The following UGT2A1 variants were observed in gnomAD, a reference collection of about 807,000 sequenced individuals.
UGT2A1 encodes UDP glucuronosyltransferase family 2 member A1 complex locus.
UGT2A1 carries 61 observed loss-of-function variants against 45.4 expected under a neutral mutation model. The ratio of observed to expected loss-of-function variants is 1.34; its 90% CI spans 1.09 to 1.66. UGT2A1 has a LOEUF of 1.66. UGT2A1 is among the 40% of genes most tolerant of loss of function. The pLI, the probability that UGT2A1 is intolerant of heterozygous loss-of-function variation, is 0.00. For synonymous variants in UGT2A1, 229 were observed against 196.2 expected, an observed-to-expected ratio of 1.17 and a Z score of -1.40; for missense variants, 649 against 574.3, an observed-to-expected ratio of 1.13 and a Z score of -1.33.
In UGT2A1 at chr4:69,646,975, C is replaced by T. The variant is rs146285489; in HGVS notation, c.670G>A (p.Glu224Lys). The T allele has an allele frequency of 6.9e-4, 1,113 of 1,605,062 alleles. No homozygotes were observed. Among genetic ancestry groups the T allele is most frequent in the Non-Finnish European group, 8.8e-4 (1,040 of 1,176,622 alleles). ...GAATCCCATGATTTCCAAAGAGTTT[C>T]AAACATGTAGTCCTGTAGGTGGTAG... ...ISYHLQDYMF[E>K]TLWKSWDSYY... Residue 224 changes from glutamate (E) to lysine (K), a missense_variant, in exon 2 of 7, where the codon GAA becomes AAA. By Grantham distance (56) the Glu-to-Lys change is moderately conservative. Transcript: ENST00000286604.
intron 3 of UGT2A1, among the ~76,000 whole-genome samples, chr4:69,616,836 T>TTTC (rs1553905500): frequency 1.3e-5 from 1 of 77,536 alleles, no homozygotes; most frequent in African/African-American, 4.9e-5. Flanking sequence ...TTCTTTTCTT[T>TTTC]TTTTTTTTTT....
At chr4:69,639,974 A>G (rs1721965645) in intron 2 of UGT2A1, among the ~76,000 whole-genome samples, 1 of 152,154 alleles carries the variant, frequency 6.6e-6, no homozygotes, top group South Asian at 2.1e-4. Flanking sequence ...AGTTTGCTCA[A>G]ACATTTCAAG....
At chr4:69,628,883 CTAT>C (rs1211775102) in intron 3 of UGT2A1, among the ~76,000 whole-genome samples, 1 of 151,414 alleles carries the variant, frequency 6.6e-6, no homozygotes, top group Admixed American at 6.6e-5. Flanking sequence ...TCTACAGCCA[CTAT>C]TAAGTTATAG....
At chr4:69,612,341 AC>A (rs541036087) in intron 3 of UGT2A1, among the ~76,000 whole-genome samples, 51 of 152,256 alleles carry the variant, frequency 3.3e-4, no homozygotes, top group African/African-American at 1.2e-3. Flanking sequence ...AGTAATTTAC[AC>A]ATTCAATGAC....
chr4:69,623,901 T>A (rs1720894094), intron 3 of UGT2A1, among the ~76,000 whole-genome samples: 1 of 151,548 alleles, frequency 6.6e-6, no homozygotes, highest in Non-Finnish European at 1.5e-5. Context: ...GATAAAGATT[T>A]TACAAAATTA....
intron 6 of UGT2A1, among the ~76,000 whole-genome samples, chr4:69,592,101 C>A (rs1316549942): frequency 1.3e-5 from 2 of 152,082 alleles, no homozygotes; most frequent in African/African-American, 4.8e-5. Flanking sequence ...CATTAGCCCT[C>A]GTGTCTAAAA....
intron 3 of UGT2A1, among the ~76,000 whole-genome samples, chr4:69,622,961 A>G (rs1560484416): frequency 6.6e-6 from 1 of 151,786 alleles, no homozygotes; most frequent in East Asian, 1.9e-4. Context: ...CCCACTTGCT[A>G]TGGGTCATAA....
At position 69,612,693 on chromosome 4, in the gene UGT2A1, C is replaced by T. The variant is rs186406068; in HGVS notation, c.848-13299G>A. ...CTAGCCATATGCAGAAGAAAGAAAC[C>T]GGATTGTCACAATTTACCCTATAAA... On this transcript the variant is annotated intron_variant, in intron 3 of 6. Coordinates refer to ENST00000286604, the MANE Select transcript of UGT2A1 (RefSeq NM_001252275.3). 3.2e-4 allele frequency among the ~76,000 whole-genome samples: 48 copies of T among 151,754 alleles called. 1 individual carries two copies. Among genetic ancestry groups the T allele is most frequent in the African/African-American group, 1.0e-3 (43 of 41,466 alleles).
At chr4:69,596,245 C>T (rs375085191) in intron 4 of UGT2A1, 16 of 1,567,964 alleles carry the variant, frequency 1.0e-5, no homozygotes, top group Non-Finnish European at 1.1e-5. Context: ...CCAGGCTGTA[C>T]TGACCTTCTG....
intron 1 of UGT2A1, among the ~76,000 whole-genome samples, chr4:69,648,784 C>G (rs111552059): frequency 2.5e-4 from 38 of 152,080 alleles, no homozygotes; most frequent in African/African-American, 8.9e-4. Context: ...TGTACCCAAA[C>G]AGGACAACTG....
At chr4:69,639,204 G>T (rs755399490) in intron 2 of UGT2A1, 10 of 1,613,658 alleles carry the variant, frequency 6.2e-6, no homozygotes, top group Non-Finnish European at 8.5e-6. Flanking sequence ...CTGAAGTCTT[G>T]CCATCAACTT....
At chr4:69,611,113 T>TAA (rs5859193) in intron 3 of UGT2A1, among the ~76,000 whole-genome samples, 28 of 151,158 alleles carry the variant, frequency 1.9e-4, no homozygotes, top group African/African-American at 1.7e-4. Context: ...ATCAGTGAAG[T>TAA]AAAAAAAGAA....
intron 6 of UGT2A1, among the ~76,000 whole-genome samples, chr4:69,592,321 C>T (rs1028702074): frequency 6.6e-6 from 1 of 152,052 alleles, no homozygotes; most frequent in Non-Finnish European, 1.5e-5. Context: ...AGCACCCACA[C>T]AAATTCAGAG....
chr4:69,621,956 T>G (rs1720780946), intron 3 of UGT2A1, among the ~76,000 whole-genome samples: 1 of 151,734 alleles, frequency 6.6e-6, no homozygotes, highest in Non-Finnish European at 1.5e-5. Flanking sequence ...AGCTAAATGA[T>G]GAGAACTCAT....
intron 3 of UGT2A1, among the ~76,000 whole-genome samples, chr4:69,601,689 T>A (rs540239842): frequency 6.6e-6 from 1 of 152,014 alleles, no homozygotes; most frequent in East Asian, 1.9e-4. Flanking sequence ...AACCAAGGAA[T>A]CTCACAAAGT....
chr4:69,610,799 C>T (rs559893190), intron 3 of UGT2A1, among the ~76,000 whole-genome samples: 9 of 152,136 alleles, frequency 5.9e-5, no homozygotes, highest in African/African-American at 1.2e-4. Flanking sequence ...TGATTTTGGA[C>T]GTCTAGCCAT....
intron 3 of UGT2A1, among the ~76,000 whole-genome samples, chr4:69,632,188 G>A (rs73824182): frequency 0.11 from 16,161 of 152,036 alleles, 873 homozygotes; most frequent in South Asian, 0.21. Flanking sequence ...AAAGGTTCAA[G>A]GTGTTTTGAT....
intron 3 of UGT2A1, chr4:69,599,775 G>A (rs4148296): frequency 0.38 from 60,595 of 161,100 alleles, 12,086 homozygotes; most frequent in East Asian, 0.53. Context: ...GCCTGGGAAA[G>A]GAAGGAAGGA....
chr4:69,595,359 C>A, intron 4 of UGT2A1, 110 bp from the exon 5 acceptor site: 1 of 1,276,814 alleles, frequency 7.8e-7, no homozygotes, highest in Non-Finnish European at 1.1e-6. Flanking sequence ...ACGGGAATTA[C>A]ATAAGCAGTA....
Sources: gnomAD v4.1 joint callset for allele counts (sites outside exome capture counted in the v4.1 genomes callset) on GRCh38, gnomAD v4.1.1 for gene constraint, MANE v1.5 for transcripts, NCBI Gene and HGNC (gene_info 2026-07-23, HGNC 2026-07-21) for gene names.